The following NTAQ1 variants were observed in gnomAD, a reference collection of about 807,000 sequenced individuals.
The protein encoded by NTAQ1 is N-terminal glutamine amidase 1.
NTAQ1 carries 21 observed loss-of-function variants against 28.2 expected under a neutral mutation model. The ratio of observed to expected loss-of-function variants is 0.74; its 90% CI spans 0.53 to 1.07. NTAQ1 has a LOEUF of 1.07. NTAQ1 is among the 50% of genes least tolerant of loss of function. The pLI, the probability that NTAQ1 is intolerant of heterozygous loss-of-function variation, is 0.00. For missense variants in NTAQ1, 264 were observed against 256.6 expected, an observed-to-expected ratio of 1.03 and a Z score of -0.20; for synonymous variants, 105 against 90.0, an observed-to-expected ratio of 1.17 and a Z score of -0.94.
Position 123,457,575 on chromosome 8 carries a change from G to A in NTAQ1, c.373-9504G>A, listed in dbSNP as rs1363753502. Among the ~76,000 whole-genome samples the A allele has an allele frequency of 2.0e-5, 3 of 152,084 alleles. No homozygotes were observed. In the East Asian group the frequency reaches 5.8e-4, roughly 29 times the overall value. On this transcript the variant is annotated intron_variant, in intron 6 of 6. Coordinates refer to the NTAQ1 transcript ENST00000650311. ...TAAAAACGTGTATTTGCTTATATTT[G>A]TACAGAATATCTATAGGAATATCCA...
At chr8:123,458,382 A>G (rs1815717059) in intron 6 of NTAQ1, among the ~76,000 whole-genome samples, 1 of 152,082 alleles carries the variant, frequency 6.6e-6, no homozygotes, top group Admixed American at 6.6e-5. Context: ...TTTGTTTACC[A>G]ATTCTAACCC....
chr8:123,417,978 C>G (rs1237436474), intron 1 of NTAQ1, among the ~76,000 whole-genome samples: 1 of 152,200 alleles, frequency 6.6e-6, no homozygotes, highest in African/African-American at 2.4e-5. Flanking sequence ...TCTGTCCTGC[C>G]TCTCTTCTAA....
At chr8:123,444,128 T>G (rs1815182001), downstream of NTAQ1, among the ~76,000 whole-genome samples, 1 of 152,064 alleles carries the variant, frequency 6.6e-6, no homozygotes, top group Non-Finnish European at 1.5e-5. Context: ...ATATTCAACA[T>G]GTGTGAGAAG....
intron 1 of NTAQ1, among the ~76,000 whole-genome samples, chr8:123,419,147 G>A (rs1189706595): frequency 3.8e-5 from 5 of 132,966 alleles, no homozygotes; most frequent in African/African-American, 1.4e-4. Context: ...TGCCCAGGCT[G>A]GAGTGCAATG....
chr8:123,471,352 T>A (rs1269873760), downstream of NTAQ1, among the ~76,000 whole-genome samples: 2 of 152,178 alleles, frequency 1.3e-5, no homozygotes, highest in Non-Finnish European at 2.9e-5. Flanking sequence ...TAAGGTCACA[T>A]TCTGTGGTAC....
downstream of NTAQ1, among the ~76,000 whole-genome samples, chr8:123,448,595 G>A (rs1182475118): frequency 1.3e-5 from 2 of 152,208 alleles, no homozygotes; most frequent in Admixed American, 6.5e-5. Flanking sequence ...CTCCAGCCTG[G>A]GCGACAAGAG....
At chr8:123,431,481 A>G (rs913882585) in intron 3 of NTAQ1, among the ~76,000 whole-genome samples, 1 of 152,154 alleles carries the variant, frequency 6.6e-6, no homozygotes, top group Non-Finnish European at 1.5e-5. Flanking sequence ...GGCTTCGCTC[A>G]TTTATTTAAC....
intron 1 of NTAQ1, among the ~76,000 whole-genome samples, chr8:123,425,978 T>G (rs190100528): frequency 7.6e-4 from 115 of 152,242 alleles, no homozygotes; most frequent in Non-Finnish European, 1.3e-3. Flanking sequence ...GAGCTGAGAT[T>G]GTGTCACTGC....
In NTAQ1 at chr8:123,438,189, C is replaced by T. The variant is rs895757192; in HGVS notation, c.508+855C>T. 6.7e-5 allele frequency: 47 copies of T among 701,860 alleles called. No homozygotes were observed. The East Asian group carries it at 1.3e-3, about 19-fold the overall frequency. 43.5% of individuals were successfully genotyped at this position (701,860 alleles called of 1,614,324 possible). A position where few individuals can be genotyped will look rare whatever the true frequency, so the allele number is the denominator to read the frequency against. ...TTAAGAAGATAAAGGGTCCTTCACC[C>T]TATTACTATTGTTTGGCATTCATAT... On this transcript the variant is annotated intron_variant, in intron 5 of 5. Transcript: ENST00000287387.
chr8:123,457,144 G>A (rs1036261925), intron 6 of NTAQ1, among the ~76,000 whole-genome samples: 5 of 152,074 alleles, frequency 3.3e-5, no homozygotes, highest in African/African-American at 9.7e-5. Context: ...TCGGCTCACC[G>A]CAACCTCTGC....
At chr8:123,432,830 G>A (rs1304350245) in intron 3 of NTAQ1, among the ~76,000 whole-genome samples, 1 of 151,778 alleles carries the variant, frequency 6.6e-6, no homozygotes, top group East Asian at 2.0e-4. Context: ...ACAGGCATGT[G>A]GCACACGCCT....
At chr8:123,458,033 CAAA>C (rs201846882) in intron 6 of NTAQ1, among the ~76,000 whole-genome samples, 214 of 85,370 alleles carry the variant, frequency 2.5e-3, no homozygotes, top group African/African-American at 9.8e-3. Context: ...GACTCTGTCT[CAAA>C]AAAAAAAAAA....
chr8:123,436,141 C>T (rs1814694252), intron 3 of NTAQ1, among the ~76,000 whole-genome samples: 1 of 143,670 alleles, frequency 7.0e-6, no homozygotes, highest in African/African-American at 2.6e-5. Flanking sequence ...TGCACTCCAA[C>T]CTGGGTGACG....
At chr8:123,465,572 A>ATAT (rs1234684373) in intron 6 of NTAQ1, among the ~76,000 whole-genome samples, 1 of 95,204 alleles carries the variant, frequency 1.1e-5, no homozygotes, top group African/African-American at 3.6e-5. Context: ...TCAGCATAAC[A>ATAT]TCTTTTTTTT....
At chr8:123,430,189 A>C (rs1400643792) in intron 3 of NTAQ1, 156 bp downstream of exon 3, 1 of 479,760 alleles carries the variant, frequency 2.1e-6, no homozygotes, top group East Asian at 3.3e-5. Flanking sequence ...TATTTGATCT[A>C]AGGTAGAAAC....
At chr8:123,459,083 A>G (rs1344656690) in intron 6 of NTAQ1, among the ~76,000 whole-genome samples, 2 of 151,960 alleles carry the variant, frequency 1.3e-5, no homozygotes, top group Admixed American at 1.3e-4. Flanking sequence ...TCTCAAATAA[A>G]TAAAATAAAA....
chr8:123,473,697 GT>G (rs1308211113), downstream of NTAQ1, among the ~76,000 whole-genome samples: 2 of 152,116 alleles, frequency 1.3e-5, no homozygotes, highest in Non-Finnish European at 2.9e-5. Flanking sequence ...GTAATTTTAG[GT>G]TTCTATTTGG....
downstream of NTAQ1, among the ~76,000 whole-genome samples, chr8:123,474,579 A>G (rs1816071965): frequency 6.6e-6 from 1 of 152,186 alleles, no homozygotes; most frequent in Non-Finnish European, 1.5e-5. Context: ...TCCCTCAGTG[A>G]CTAACAGATA....
At chr8:123,429,125 C>G (rs142934411) in intron 2 of NTAQ1, among the ~76,000 whole-genome samples, 16 of 152,236 alleles carry the variant, frequency 1.1e-4, no homozygotes, top group African/African-American at 3.9e-4. Context: ...GTGAAGCAGG[C>G]AATATTTGGA....
Sources: gnomAD v4.1 joint callset for allele counts (sites outside exome capture counted in the v4.1 genomes callset) on GRCh38, gnomAD v4.1.1 for gene constraint, MANE v1.5 for transcripts, NCBI Gene and HGNC (gene_info 2026-07-23, HGNC 2026-07-21) for gene names.